Variants in GMDS observed in about 807,000 individuals in gnomAD.
The protein encoded by GMDS is GDP-mannose 4,6 dehydratase.
A neutral mutation model predicts 49.9 loss-of-function variants in GMDS; 20 were observed. That is an observed-to-expected ratio of 0.40 (90% confidence interval 0.28 to 0.58). The LOEUF (loss-of-function observed/expected upper bound fraction) is 0.58. GMDS is among the 20% of genes least tolerant of loss of function. The pLI is 0.42. For missense variants in GMDS, 362 were observed against 481.4 expected, an observed-to-expected ratio of 0.75 and a Z score of 2.32; for synonymous variants, 177 against 178.6, an observed-to-expected ratio of 0.99 and a Z score of 0.07.
chr6:2,108,514 G>A lies in GMDS; in HGVS notation c.345+7257C>T, dbSNP rs150346024. ...TTAGTATCACTGATGTGCTAACATT[G>A]CACCTGGCATTGTTGAATTTGGGGA... On this transcript the variant is annotated intron_variant, in intron 4 of 10. Transcript: ENST00000380815. Among the ~76,000 whole-genome samples the A allele has an allele frequency of 9.6e-4, 146 of 152,074 alleles. 4 individuals carry two copies. In the East Asian group the frequency reaches 0.022, roughly 23 times the overall value.
intron 7 of GMDS, among the ~76,000 whole-genome samples, chr6:1,800,537 A>C (rs950895284): frequency 1.3e-5 from 2 of 152,072 alleles, no homozygotes; most frequent in Non-Finnish European, 2.9e-5. Context: ...CCTGGGTTCA[A>C]GTGTTTCTCC....
intron 8 of GMDS, among the ~76,000 whole-genome samples, chr6:1,731,087 G>T (rs964991268): frequency 6.6e-6 from 1 of 152,158 alleles, no homozygotes; most frequent in African/African-American, 2.4e-5. Context: ...AAGAAATAAT[G>T]TGAAACACAG....
intron 9 of GMDS, among the ~76,000 whole-genome samples, chr6:1,708,007 T>C (rs1278036175): frequency 1.8e-4 from 28 of 152,168 alleles, no homozygotes; most frequent in Admixed American, 1.8e-3. Context: ...CATGCGTTAT[T>C]AAACATTTTC....
In GMDS at chr6:2,217,911, TAA is replaced by T. The variant is rs1780412583; in HGVS notation, c.102+27408_102+27409del. Among the ~76,000 whole-genome samples the T allele has an allele frequency of 1.3e-5, 2 of 151,980 alleles. 1 individual carries two copies. The highest frequency in any genetic ancestry group is 6.4e-3 in the Middle Eastern group (2 of 314). Reference sequence around the variant, plus strand: ...AAAAGATTAGTTTTGATCCAGAAAATAAAAAGTCAAGCAGTATTTTACCCAAG... The same window carrying T: ...AAAAGATTAGTTTTGATCCAGAAAATAAAGTCAAGCAGTATTTTACCCAAG... On this transcript the variant is annotated intron_variant, in intron 1 of 10. Coordinates refer to ENST00000380815, the MANE Select transcript of GMDS (RefSeq NM_001500.4).
At chr6:1,788,129 G>A (rs1321695849) in intron 7 of GMDS, among the ~76,000 whole-genome samples, 1 of 152,180 alleles carries the variant, frequency 6.6e-6, no homozygotes, top group Non-Finnish European at 1.5e-5. Flanking sequence ...GCCAGAAACA[G>A]GCACAGAGAG....
At chr6:1,636,063 G>A (rs759794799) in intron 9 of GMDS, among the ~76,000 whole-genome samples, 14 of 152,170 alleles carry the variant, frequency 9.2e-5, no homozygotes, top group African/African-American at 2.4e-4. Context: ...GAATGTCAGC[G>A]GAAATAGAAA....
rs780664178 is a variant in GMDS, at chr6:1,872,636, CA to C, written c.771+57466del. The stretch of plus-strand genomic sequence containing the variant: ...TATTTATTACGAGCCACACATGTGA[CA>C]AATTATTTAACTCAGTTGATCCTAA... On this transcript the variant is annotated intron_variant, in intron 7 of 10. Coordinates refer to ENST00000380815, the MANE Select transcript of GMDS (RefSeq NM_001500.4). Among the ~76,000 whole-genome samples the C allele has an allele frequency of 3.9e-5, 6 of 152,218 alleles. No individual in the cohort carries two copies. The East Asian group carries it at 7.7e-4, about 20-fold the overall frequency.
At chr6:2,043,427 C>T (rs1769804518) in intron 4 of GMDS, 2 of 152,348 alleles carry the variant, frequency 1.3e-5, no homozygotes, top group African/African-American at 4.8e-5. Context: ...AAAGCCAGAG[C>T]ACTGGGAGCC....
At position 1,780,984 on chromosome 6, in the gene GMDS, G is replaced by A. The variant is rs138602567; in HGVS notation, c.772-38398C>T. ...AGTTTGAGTTTGAAGACTGGTCTGTGGGGAGCGAGTTTTTCTCTGAAACTG... is the reference window on the plus strand; with the variant it reads ...AGTTTGAGTTTGAAGACTGGTCTGTAGGGAGCGAGTTTTTCTCTGAAACTG... On this transcript the variant is annotated intron_variant, in intron 7 of 10. Transcript: ENST00000380815. Among the ~76,000 whole-genome samples, 305 of 152,216 alleles carry A rather than the reference G, an allele frequency of 2.0e-3. 2 individuals carry two copies. The highest frequency in any genetic ancestry group is 7.0e-3 in the African/African-American group (290 of 41,530).
chr6:1,971,507 G>T (rs976242415), intron 4 of GMDS, among the ~76,000 whole-genome samples: 3 of 152,210 alleles, frequency 2.0e-5, no homozygotes, highest in African/African-American at 7.2e-5. Flanking sequence ...GTTTGCCTTT[G>T]TATGCTCAAG....
chr6:1,927,118 T>TTTTTATTCAGAGGGTAGCGTGTTGATGTA (rs1240045348), intron 7 of GMDS, among the ~76,000 whole-genome samples: 1 of 151,178 alleles, frequency 6.6e-6, no homozygotes. Flanking sequence ...TGTTGGTGTA[T>TTTTTATTCAGAGGGTAGCGTGTTGATGTA]TTTTATTCAG....
intron 9 of GMDS, among the ~76,000 whole-genome samples, chr6:1,693,630 T>G (rs1355848178): frequency 6.6e-6 from 1 of 152,216 alleles, no homozygotes; most frequent in Non-Finnish European, 1.5e-5. Flanking sequence ...GGCAAATCTG[T>G]CCCTGTCACT....
At chr6:1,733,594 A>G (rs114373073) in intron 8 of GMDS, among the ~76,000 whole-genome samples, 3,894 of 152,316 alleles carry the variant, frequency 0.026, 151 homozygotes, top group African/African-American at 0.089. Context: ...AGGCAGGCGG[A>G]TCACTTGAGG....
intron 9 of GMDS, among the ~76,000 whole-genome samples, chr6:1,638,492 T>C (rs893533136): frequency 6.6e-6 from 1 of 151,848 alleles, no homozygotes; most frequent in Non-Finnish European, 1.5e-5. Flanking sequence ...TGTGTGCCCA[T>C]GGATTCATTC....
chr6:2,065,759 T>C (rs867621764), intron 4 of GMDS, among the ~76,000 whole-genome samples: 2 of 151,962 alleles, frequency 1.3e-5, no homozygotes, highest in Non-Finnish European at 2.9e-5. Flanking sequence ...CTCCAAGAAA[T>C]ATGGGACTAT....
intron 7 of GMDS, among the ~76,000 whole-genome samples, chr6:1,864,192 G>C (rs1477877089): frequency 6.6e-6 from 1 of 152,092 alleles, no homozygotes; most frequent in Non-Finnish European, 1.5e-5. Context: ...TACATAAAAT[G>C]ATACTTAATC....
chr6:2,100,187 A>G (rs1419648435), intron 4 of GMDS, among the ~76,000 whole-genome samples: 1 of 152,090 alleles, frequency 6.6e-6, no homozygotes, highest in Non-Finnish European at 1.5e-5. Context: ...GTTAGAATTT[A>G]GAAGGTTTTA....
At chr6:2,028,964 A>C (rs182015632) in intron 4 of GMDS, among the ~76,000 whole-genome samples, 1 of 151,696 alleles carries the variant, frequency 6.6e-6, no homozygotes, top group East Asian at 1.9e-4. Flanking sequence ...TATACAAGAT[A>C]GATGGCTCTG....
intron 7 of GMDS, among the ~76,000 whole-genome samples, chr6:1,768,213 A>G (rs1056966070): frequency 7.2e-5 from 11 of 152,222 alleles, no homozygotes; most frequent in South Asian, 4.1e-4. Context: ...AAACAGGGGA[A>G]TATCTAATGT....
Sources: allele counts gnomAD v4.1 joint callset (sites outside exome capture counted in the v4.1 genomes callset), GRCh38; gene constraint gnomAD v4.1.1; transcripts MANE v1.5; gene names NCBI Gene and HGNC (gene_info 2026-07-23, HGNC 2026-07-21).